The following ITPR2 variants were observed in gnomAD, a reference collection of about 807,000 sequenced individuals.
The protein encoded by ITPR2 is inositol 1,4,5-trisphosphate-gated calcium channel ITPR2.
ITPR2 carries 207 observed loss-of-function variants against 317.1 expected under a neutral mutation model. The observed-to-expected ratio is 0.65, with a 90% CI of 0.58 to 0.73. The LOEUF (loss-of-function observed/expected upper bound fraction) is 0.73, where lower values mean the gene tolerates loss of function less well. Ranked by LOEUF, ITPR2 falls within the 30% of genes least tolerant of loss-of-function variation. The pLI, the probability that ITPR2 is intolerant of heterozygous loss-of-function variation, is 0.00. For missense variants in ITPR2, 2,613 were observed against 3,284.0 expected, an observed-to-expected ratio of 0.80 and a Z score of 4.99; for synonymous variants, 1,156 against 1,149.1, an observed-to-expected ratio of 1.01 and a Z score of -0.12.
intron 1 of ITPR2, among the ~76,000 whole-genome samples, chr12:26,812,162 CAA>C (rs531704983): frequency 1.4e-4 from 13 of 90,790 alleles, no homozygotes; most frequent in Non-Finnish European, 1.7e-4. Context: ...GACTCCATCT[CAA>C]AAAAAAAAAA....
At chr12:26,679,775 T>C (rs1386494292) in intron 13 of ITPR2, among the ~76,000 whole-genome samples, 1 of 152,140 alleles carries the variant, frequency 6.6e-6, no homozygotes, top group Non-Finnish European at 1.5e-5. Flanking sequence ...ATTCAATAGT[T>C]ATCACATATT....
At chr12:26,534,061 A>G (rs1279993779) in intron 37 of ITPR2, among the ~76,000 whole-genome samples, 1 of 152,174 alleles carries the variant, frequency 6.6e-6, no homozygotes, top group African/African-American at 2.4e-5. Context: ...CCAGAGGGCC[A>G]CTGCTTGACA....
intron 45 of ITPR2, among the ~76,000 whole-genome samples, chr12:26,449,750 G>A (rs551322835): frequency 7.9e-5 from 12 of 152,210 alleles, no homozygotes; most frequent in South Asian, 4.2e-4. Flanking sequence ...TGGAGGATGT[G>A]CAATGAGAAG....
At chr12:26,489,666 CA>C (rs1349153959) in intron 39 of ITPR2, among the ~76,000 whole-genome samples, 1 of 152,160 alleles carries the variant, frequency 6.6e-6, no homozygotes, top group African/African-American at 2.4e-5. Flanking sequence ...CATTAGGTTC[CA>C]TTTGAAATTG....
intron 10 of ITPR2, among the ~76,000 whole-genome samples, chr12:26,692,309 T>G (rs1444555441): frequency 2.0e-5 from 3 of 152,200 alleles, no homozygotes; most frequent in Non-Finnish European, 4.4e-5. Flanking sequence ...AGGGACCTGC[T>G]ATTGGCACCT....
At chr12:26,613,402 G>A (rs1396774882) in intron 26 of ITPR2, among the ~76,000 whole-genome samples, 1 of 152,104 alleles carries the variant, frequency 6.6e-6, no homozygotes, top group Non-Finnish European at 1.5e-5. Flanking sequence ...AAAAATGATT[G>A]ATAAAATATT....
intron 13 of ITPR2, among the ~76,000 whole-genome samples, chr12:26,672,307 T>A (rs1947796336): frequency 6.6e-6 from 1 of 151,214 alleles, no homozygotes; most frequent in African/African-American, 2.4e-5. Context: ...GAAGTAAAGC[T>A]CTCCTCAGCA....
chr12:26,383,188 T>A (rs1939559447), intron 55 of ITPR2, among the ~76,000 whole-genome samples: 1 of 152,204 alleles, frequency 6.6e-6, no homozygotes, highest in African/African-American at 2.4e-5. Context: ...CCACTTCACC[T>A]TCTGCCATGA....
At chr12:26,744,074 CTG>C (rs1949279092) in intron 2 of ITPR2, among the ~76,000 whole-genome samples, 1 of 152,244 alleles carries the variant, frequency 6.6e-6, no homozygotes, top group Non-Finnish European at 1.5e-5. Context: ...CCATGCCCGA[CTG>C]TGGATTCTTC....
At chr12:26,544,678 T>C (rs1273689078) in intron 37 of ITPR2, among the ~76,000 whole-genome samples, 2 of 151,514 alleles carry the variant, frequency 1.3e-5, no homozygotes, top group Non-Finnish European at 3.0e-5. Context: ...TAATTTTCTT[T>C]TAAGTTGACA....
At chr12:26,685,508 G>A (rs942653365) in intron 11 of ITPR2, among the ~76,000 whole-genome samples, 1 of 152,044 alleles carries the variant, frequency 6.6e-6, no homozygotes, top group African/African-American at 2.4e-5. Context: ...GAGGTGGGAG[G>A]ATCACCTGAG....
At chr12:26,387,749 C>T (rs550098852) in intron 54 of ITPR2, among the ~76,000 whole-genome samples, 155 bp from the exon 55 acceptor site, 1 of 152,108 alleles carries the variant, frequency 6.6e-6, no homozygotes, top group Non-Finnish European at 1.5e-5. Context: ...ACACAGTACA[C>T]AAGACCTCCA....
chr12:26,448,958 A>G (rs935509317), intron 45 of ITPR2, among the ~76,000 whole-genome samples: 2 of 152,196 alleles, frequency 1.3e-5, no homozygotes, highest in Non-Finnish European at 2.9e-5. Flanking sequence ...TAAAGATGAC[A>G]GAGTTGGGCT....
chr12:26,492,771 A>C (rs1942837177), intron 39 of ITPR2, among the ~76,000 whole-genome samples: 1 of 152,176 alleles, frequency 6.6e-6, no homozygotes, highest in South Asian at 2.1e-4. Context: ...ATGATACTTA[A>C]TAACAATAAT....
intron 13 of ITPR2, among the ~76,000 whole-genome samples, chr12:26,681,621 G>A (rs897146944): frequency 6.6e-6 from 1 of 152,120 alleles, no homozygotes; most frequent in African/African-American, 2.4e-5. Context: ...AAAAAAGAAT[G>A]ACCAGAAAGT....
intron 35 of ITPR2, among the ~76,000 whole-genome samples, chr12:26,561,500 TATG>T (rs1352666252): frequency 2.6e-5 from 4 of 152,176 alleles, no homozygotes; most frequent in Non-Finnish European, 5.9e-5. Flanking sequence ...TCATTGCTAT[TATG>T]ATCATTATTT....
At position 26,338,179 on chromosome 12, in the gene ITPR2, T is replaced by C. The variant is rs1172918478; in HGVS notation, c.*1218A>G. On this transcript the variant is annotated 3_prime_UTR_variant, in exon 57 of 57. Coordinates refer to ENST00000381340, the MANE Select transcript of ITPR2 (RefSeq NM_002223.4). ...CACTTTCATTATCCATATTTTGCTC[T>C]GCTATTCCAAATGTGTAGTCTCTAA... 1 of 152,738 alleles carries C rather than the reference T, an allele frequency of 6.5e-6. No homozygotes were observed. The highest frequency in any genetic ancestry group is 2.1e-4 in the South Asian group (1 of 4,826). 9.5% of individuals were successfully genotyped at this position (152,738 alleles called of 1,614,324 possible). A position where few individuals can be genotyped will look rare whatever the true frequency, so the allele number is the denominator to read the frequency against.
chr12:26,423,951 C>A (rs1940969879), intron 49 of ITPR2, among the ~76,000 whole-genome samples: 1 of 152,012 alleles, frequency 6.6e-6, no homozygotes, highest in East Asian at 1.9e-4. Context: ...AAACAGAAAC[C>A]AGTACTAAGT....
chr12:26,655,482 C>T (rs542402266), intron 20 of ITPR2, among the ~76,000 whole-genome samples: 139 of 151,922 alleles, frequency 9.1e-4, no homozygotes, highest in African/African-American at 3.2e-3. Flanking sequence ...GGCGTGGTGG[C>T]AGGCGCCTGT....
Sources: allele counts gnomAD v4.1 joint callset (sites outside exome capture counted in the v4.1 genomes callset), GRCh38; gene constraint gnomAD v4.1.1; transcripts MANE v1.5; gene names NCBI Gene and HGNC (gene_info 2026-07-23, HGNC 2026-07-21).